Variants in BTBD9 observed in about 807,000 individuals in gnomAD.
The protein encoded by BTBD9 is BTB/POZ domain-containing protein 9.
In BTBD9, 49 loss-of-function variants were observed where a neutral mutation model predicts 64.3. That is an observed-to-expected ratio of 0.76 (90% CI 0.61 to 0.97). The LOEUF (loss-of-function observed/expected upper bound fraction) is 0.97, where lower values mean the gene tolerates loss of function less well. Ranked by LOEUF, BTBD9 falls within the 50% of genes least tolerant of loss-of-function variation. BTBD9 has a pLI of 0.00. For missense variants in BTBD9, 598 were observed against 762.1 expected, an observed-to-expected ratio of 0.78 and a Z score of 2.53; for synonymous variants, 260 against 274.7, an observed-to-expected ratio of 0.95 and a Z score of 0.53.
intron 8 of BTBD9, among the ~76,000 whole-genome samples, chr6:38,282,732 G>A (rs4714138): frequency 6.6e-6 from 1 of 151,902 alleles, no homozygotes; most frequent in Admixed American, 6.5e-5. Context: ...TGGCACTGCC[G>A]GTGATGCTCA....
chr6:38,219,220 C>T (rs558863772), intron 9 of BTBD9, among the ~76,000 whole-genome samples: 56 of 150,186 alleles, frequency 3.7e-4, no homozygotes, highest in African/African-American at 1.3e-3. Context: ...CTGCCAGCTC[C>T]GCCTCCTGGG....
At chr6:38,513,068 T>C (rs1002993538) in intron 6 of BTBD9, among the ~76,000 whole-genome samples, 1 of 152,210 alleles carries the variant, frequency 6.6e-6, no homozygotes, top group Non-Finnish European at 1.5e-5. Flanking sequence ...CCCCAATGCC[T>C]AACCATAGAA....
At chr6:38,462,823 G>A (rs1300841268) in intron 6 of BTBD9, among the ~76,000 whole-genome samples, 1 of 152,054 alleles carries the variant, frequency 6.6e-6, no homozygotes, top group African/African-American at 2.4e-5. Context: ...TTTTGAGACA[G>A]GGTCTCACTC....
At chr6:38,266,108 C>A (rs747287856) in intron 8 of BTBD9, among the ~76,000 whole-genome samples, 2 of 152,224 alleles carry the variant, frequency 1.3e-5, no homozygotes. Context: ...CTGCTTTCAA[C>A]GCAAATCTAT....
chr6:38,567,703 C>A (rs1339282308), intron 6 of BTBD9, among the ~76,000 whole-genome samples: 3 of 152,178 alleles, frequency 2.0e-5, no homozygotes, highest in Non-Finnish European at 4.4e-5. Context: ...GTCTACTCTC[C>A]CTTGAGCTAA....
intron 6 of BTBD9, among the ~76,000 whole-genome samples, chr6:38,347,763 T>C (rs1057475791): frequency 2.6e-5 from 4 of 152,100 alleles, no homozygotes; most frequent in Middle Eastern, 3.2e-3. Context: ...TTGGGAGGCC[T>C]GGGTGGGTGG....
chr6:38,405,491 T>C (rs930551763), intron 6 of BTBD9, among the ~76,000 whole-genome samples: 1 of 152,138 alleles, frequency 6.6e-6, no homozygotes, highest in Non-Finnish European at 1.5e-5. Context: ...GTTGGAAGTC[T>C]GAAAAATCAG....
At chr6:38,456,524 A>C (rs944301062) in intron 6 of BTBD9, among the ~76,000 whole-genome samples, 12 of 152,208 alleles carry the variant, frequency 7.9e-5, no homozygotes, top group African/African-American at 2.7e-4. Context: ...TTGTTAATAA[A>C]GTCATTCTAT....
At chr6:38,232,399 T>C (rs1763639487) in intron 9 of BTBD9, among the ~76,000 whole-genome samples, 1 of 152,000 alleles carries the variant, frequency 6.6e-6, no homozygotes, top group African/African-American at 2.4e-5. Context: ...GCTTCCTGAG[T>C]AGCTGGGACT....
intron 6 of BTBD9, among the ~76,000 whole-genome samples, chr6:38,375,568 T>C (rs1036581051): frequency 6.6e-6 from 1 of 152,096 alleles, no homozygotes; most frequent in African/African-American, 2.4e-5. Context: ...CTAACCACAG[T>C]ATGAAGGGTT....
At chr6:38,615,096 C>T (rs1471373856) in intron 1 of BTBD9, among the ~76,000 whole-genome samples, 1 of 152,206 alleles carries the variant, frequency 6.6e-6, no homozygotes, top group Non-Finnish European at 1.5e-5. Flanking sequence ...CCTTATGCCA[C>T]AGGGCTTTGG....
chr6:38,563,237 T>G (rs1035238761), intron 6 of BTBD9, among the ~76,000 whole-genome samples: 1 of 152,214 alleles, frequency 6.6e-6, no homozygotes, highest in Non-Finnish European at 1.5e-5. Context: ...GTTTCAAATA[T>G]CATCTTCTAA....
chr6:38,590,494 A>C (rs1776748603), intron 4 of BTBD9, among the ~76,000 whole-genome samples: 1 of 152,226 alleles, frequency 6.6e-6, no homozygotes, highest in Non-Finnish European at 1.5e-5. Flanking sequence ...TAGACCTGAT[A>C]AGTCAGGAGA....
Position 38,585,991 on chromosome 6 carries a change from T to C in BTBD9, c.815-5554A>G, listed in dbSNP as rs989341741. On this transcript the variant is annotated intron_variant, in intron 4 of 10. Transcript: ENST00000481247. ...ACACACACACACACGCATATTTATG[T>C]GTTAACCAATAATGTAACTTAGCAG... Among the ~76,000 whole-genome samples the C allele has an allele frequency of 2.0e-5, 3 of 150,838 alleles. No homozygotes were observed. The East Asian group carries it at 5.9e-4, about 29-fold the overall frequency.
intron 4 of BTBD9, among the ~76,000 whole-genome samples, chr6:38,589,923 G>GTTTTCTCC (rs1314793161): frequency 1.3e-5 from 2 of 151,912 alleles, no homozygotes; most frequent in African/African-American, 4.8e-5. Flanking sequence ...CTGGCAATAG[G>GTTTTCTCC]TTTTCTCCAA....
intron 6 of BTBD9, among the ~76,000 whole-genome samples, chr6:38,513,983 G>A (rs1419252694): frequency 1.3e-5 from 2 of 152,162 alleles, no homozygotes; most frequent in Non-Finnish European, 2.9e-5. Flanking sequence ...AGTAAATAAA[G>A]ATGGCTACAT....
intron 6 of BTBD9, among the ~76,000 whole-genome samples, chr6:38,373,672 C>T (rs779147913): frequency 4.7e-4 from 72 of 152,148 alleles, no homozygotes; most frequent in Admixed American, 7.9e-4. Flanking sequence ...GCTGGCACTA[C>T]AGGTGTGCAC....
intron 7 of BTBD9, among the ~76,000 whole-genome samples, chr6:38,300,263 T>C (rs1762336387): frequency 6.6e-6 from 1 of 152,240 alleles, no homozygotes; most frequent in Non-Finnish European, 1.5e-5. Flanking sequence ...TACTGTAGCC[T>C]TGTAGTGTAG....
intron 6 of BTBD9, among the ~76,000 whole-genome samples, chr6:38,503,200 C>G (rs1772293412): frequency 6.6e-6 from 1 of 152,136 alleles, no homozygotes; most frequent in African/African-American, 2.4e-5. Context: ...TCTCATGTCT[C>G]CTACCCAATC....
Sources: gnomAD v4.1 joint callset for allele counts (sites outside exome capture counted in the v4.1 genomes callset) on GRCh38, gnomAD v4.1.1 for gene constraint, MANE v1.5 for transcripts, NCBI Gene and HGNC (gene_info 2026-07-23, HGNC 2026-07-21) for gene names.